TNFRSF8: variants seen among roughly 807,000 people sequenced by gnomAD.
TNFRSF8 encodes the protein tumor necrosis factor receptor superfamily member 8.
A neutral mutation model predicts 70.8 loss-of-function variants in TNFRSF8; 26 were observed. That is an observed-to-expected ratio of 0.37 (90% confidence interval 0.27 to 0.51). TNFRSF8 has a LOEUF of 0.51. Ranked by LOEUF, TNFRSF8 falls within the 20% of genes least tolerant of loss-of-function variation. The probability of loss-of-function intolerance (pLI) is 0.94; values close to 1 mark genes in which losing one functional copy is unlikely to be tolerated. For synonymous variants in TNFRSF8, 356 were observed against 339.2 expected (o/e 1.05, Z -0.54); for missense variants, 720 against 807.9 (o/e 0.89, Z 1.32).
chr1:12,113,715 CAG>C lies in TNFRSF8; in HGVS notation c.793+1705_793+1706del, dbSNP rs1641675871. 6.7e-6 allele frequency among the ~76,000 whole-genome samples: 1 copy of C among 149,484 alleles called. No individual in the cohort carries two copies. The highest frequency in any genetic ancestry group is 2.5e-5 in the African/African-American group (1 of 40,412). On this transcript the variant is annotated intron_variant, in intron 7 of 14. Transcript: ENST00000263932. This position sits in a 1 kb window ranked among gnomAD's most constrained non-coding sequence, Gnocchi z 4.9. The stretch of plus-strand genomic sequence containing the variant: ...AGAGAGACTGAGAGACAGAGAGAGA[CAG>C]AGATAGAGTGTGACAGAGAGAAAGA...
intron 2 of TNFRSF8, among the ~76,000 whole-genome samples, chr1:12,093,095 C>T (rs929176519): frequency 5.9e-5 from 9 of 152,156 alleles, no homozygotes; most frequent in African/African-American, 1.4e-4. Flanking sequence ...CGTGAGCCAC[C>T]GCACCGGCCA....
In TNFRSF8 at chr1:12,130,583, TCA is replaced by T. The variant is rs565649665; in HGVS notation, c.1309+4350_1309+4351del. Among the ~76,000 whole-genome samples the T allele has an allele frequency of 3.9e-5, 6 of 152,332 alleles. No homozygotes were observed. In the East Asian group the frequency reaches 1.2e-3, roughly 29 times the overall value. On this transcript the variant is annotated intron_variant, in intron 12 of 14. Transcript: ENST00000263932. ...TTCTGCTTCCCACAGCACTGGGGAA[TCA>T]CAGGCCAGAGAGGGGAGGGGACTAA...
chr1:12,063,829 G>A lies in TNFRSF8; in HGVS notation c.63+168G>A, dbSNP rs1272535739. The stretch of plus-strand genomic sequence containing the variant: ...CCGGAATATGCTAGCACCCACAGGT[G>A]GGAGGCTGGCTGAAGGGCTAGTGGT... On this transcript the variant is annotated intron_variant, in intron 1 of 14. Transcript: ENST00000263932. The surrounding 1 kb of genome is among the most constrained non-coding windows in gnomAD (Gnocchi z 7.2). Among the ~76,000 whole-genome samples the A allele has an allele frequency of 2.0e-5, 3 of 152,210 alleles. No individual in the cohort carries two copies. The highest frequency in any genetic ancestry group is 4.4e-5 in the Non-Finnish European group (3 of 68,038).
chr1:12,138,413 C>A lies in TNFRSF8; in HGVS notation c.1520C>A (p.Thr507Lys). The A allele has an allele frequency of 6.2e-7, 1 of 1,613,094 alleles. No individual in the cohort carries two copies. Among genetic ancestry groups the A allele is most frequent in the Non-Finnish European group, 8.5e-7 (1 of 1,179,484 alleles). The change falls in exon 14 of 15, where the codon ACG becomes AAG. Residue 507 changes from threonine (T) to lysine (K), a missense_variant. Coordinates refer to ENST00000263932, the MANE Select transcript of TNFRSF8 (RefSeq NM_001243.5). The surrounding 1 kb of genome is among the most constrained non-coding windows in gnomAD (Gnocchi z 5.7). ...PRDLPEPRVS[T>K]EHTNNKIEKI... Reference sequence around the variant, plus strand: ...GACCTTCCTGAGCCCCGGGTGTCCACGGAGCACACCAATAACAAGATTGGT... The same window carrying A: ...GACCTTCCTGAGCCCCGGGTGTCCAAGGAGCACACCAATAACAAGATTGGT...
chr1:12,098,879 T>C (rs1238162245), intron 3 of TNFRSF8, among the ~76,000 whole-genome samples: 1 of 152,242 alleles, frequency 6.6e-6, no homozygotes, highest in Admixed American at 6.5e-5. Context: ...TCCTGACTTT[T>C]ATTCCTTACA....
chr1:12,135,549 C>T (rs1642130404), intron 12 of TNFRSF8, 39 bp from the exon 13 acceptor site: 1 of 1,613,252 alleles, frequency 6.2e-7, no homozygotes, highest in African/African-American at 1.3e-5. Context: ...CGGGGGCTGC[C>T]AGACTCCTTG....
chr1:12,071,719 A>C (rs745656605), intron 1 of TNFRSF8, among the ~76,000 whole-genome samples: 4 of 151,596 alleles, frequency 2.6e-5, no homozygotes, highest in Non-Finnish European at 4.4e-5. Flanking sequence ...ACCCGCCACC[A>C]CGCCCGGCTA....
Position 12,142,729 on chromosome 1 carries a change from G to C in TNFRSF8, c.*198G>C. 1 of 665,296 alleles carries C rather than the reference G, an allele frequency of 1.5e-6. No homozygotes were observed. The highest frequency in any genetic ancestry group is 3.0e-5 in the Admixed American group (1 of 33,468). 41.2% of individuals were successfully genotyped at this position (665,296 alleles called of 1,614,324 possible). The stretch of plus-strand genomic sequence containing the variant: ...CCCAACTTAGCTGTCCCCTGACCCA[G>C]AGCCTAGGGGATCCGGGGCTTGTAC... On this transcript the variant is annotated 3_prime_UTR_variant, in exon 15 of 15. Transcript: ENST00000263932. The surrounding 1 kb of genome is among the most constrained non-coding windows in gnomAD (Gnocchi z 5.0).
At chr1:12,116,715 G>T (rs753010622) in intron 8 of TNFRSF8, among the ~76,000 whole-genome samples, 2 of 152,068 alleles carry the variant, frequency 1.3e-5, no homozygotes, top group African/African-American at 2.4e-5. Flanking sequence ...CAGGAGAATC[G>T]CTTGAACCCG....
chr1:12,135,439 C>T, intron 12 of TNFRSF8, 149 bp from the exon 13 acceptor site: 4 of 1,069,804 alleles, frequency 3.7e-6, no homozygotes, highest in Non-Finnish European at 5.5e-6. Context: ...CTCTGAAACC[C>T]ATCGAGGGCT....
intron 12 of TNFRSF8, among the ~76,000 whole-genome samples, chr1:12,127,828 C>G (rs965174713): frequency 6.6e-6 from 1 of 152,078 alleles, no homozygotes; most frequent in Non-Finnish European, 1.5e-5. Context: ...TCTGTGAGAG[C>G]AGTTTTGTTA....
At chr1:12,122,851 T>C (rs1557599450) in intron 8 of TNFRSF8, among the ~76,000 whole-genome samples, 1 of 152,084 alleles carries the variant, frequency 6.6e-6, no homozygotes, top group Non-Finnish European at 1.5e-5. Flanking sequence ...TTTATTTATT[T>C]TGAGTCTTTC....
At chr1:12,081,175 A>G (rs543390457) in intron 1 of TNFRSF8, among the ~76,000 whole-genome samples, 1 of 152,266 alleles carries the variant, frequency 6.6e-6, no homozygotes, top group South Asian at 2.1e-4. Flanking sequence ...TGATGGCAGG[A>G]GGGAAGCATA....
In TNFRSF8 at chr1:12,138,572, C is replaced by A; in HGVS notation, c.1543+136C>A. ...GGAAAGGAGAGGCATAGATTCTTCA[C>A]CCCAATTGAAGTTTCTGTAAGTAGG... On this transcript the variant is annotated intron_variant, in intron 14 of 14. Transcript: ENST00000263932. This position sits in a 1 kb window ranked among gnomAD's most constrained non-coding sequence, Gnocchi z 5.7. The A allele has an allele frequency of 1.1e-6, 1 of 910,196 alleles. No homozygotes were observed. The highest frequency in any genetic ancestry group is 1.8e-5 in the South Asian group (1 of 55,292). 56.4% of individuals were successfully genotyped at this position (910,196 alleles called of 1,614,324 possible).
At chr1:12,070,303 T>G (rs1356628781) in intron 1 of TNFRSF8, among the ~76,000 whole-genome samples, 2 of 152,046 alleles carry the variant, frequency 1.3e-5, no homozygotes, top group Non-Finnish European at 2.9e-5. Context: ...CAGGCTGGAG[T>G]GCAGTGGTGT....
rs1045381941 is a variant in TNFRSF8, at chr1:12,119,144, G to A, written c.946+3415G>A. 4.6e-5 allele frequency among the ~76,000 whole-genome samples: 7 copies of A among 152,210 alleles called. No individual in the cohort carries two copies. Among genetic ancestry groups the A allele is most frequent in the Non-Finnish European group, 7.3e-5 (5 of 68,034 alleles). ...TCGCAAAAGTGCTGGGATTACCGGC[G>A]TGAGCCACTGCGCCCGGCCATTTGT... On this transcript the variant is annotated intron_variant, in intron 8 of 14. Coordinates refer to ENST00000263932, the MANE Select transcript of TNFRSF8 (RefSeq NM_001243.5). The surrounding 1 kb of genome is among the most constrained non-coding windows in gnomAD (Gnocchi z 4.4).
intron 2 of TNFRSF8, among the ~76,000 whole-genome samples, chr1:12,094,460 G>A (rs926317799): frequency 6.6e-6 from 1 of 152,032 alleles, no homozygotes; most frequent in African/African-American, 2.4e-5. Flanking sequence ...ACATAGGTGA[G>A]CCGAACCTCA....
In TNFRSF8 at chr1:12,138,677, A is replaced by C. The variant is rs1162748402; in HGVS notation, c.1543+241A>C. 2.6e-5 allele frequency among the ~76,000 whole-genome samples: 4 copies of C among 152,198 alleles called. No individual in the cohort carries two copies. The highest frequency in any genetic ancestry group is 4.4e-5 in the Non-Finnish European group (3 of 68,032). ...CATGAGATGCCTGCTGTTACTCATA[A>C]AAAACGAACACCACCCCAGCCCCCA... On this transcript the variant is annotated intron_variant, in intron 14 of 14. Coordinates refer to ENST00000263932, the MANE Select transcript of TNFRSF8 (RefSeq NM_001243.5). This position sits in a 1 kb window ranked among gnomAD's most constrained non-coding sequence, Gnocchi z 5.7.
chr1:12,129,698 GC>G (rs1642011662), intron 12 of TNFRSF8, among the ~76,000 whole-genome samples: 1 of 152,138 alleles, frequency 6.6e-6, no homozygotes, highest in Admixed American at 6.5e-5. Flanking sequence ...AATGATGCTG[GC>G]CTCTTCTCTC....
Sources: gnomAD v4.1 joint callset for allele counts (sites outside exome capture counted in the v4.1 genomes callset) on GRCh38, gnomAD v4.1.1 for gene constraint, Gnocchi (gnomAD v3.1) non-coding constraint, MANE v1.5 for transcripts, NCBI Gene and HGNC (gene_info 2026-07-23, HGNC 2026-07-21) for gene names.